STRAP: variants seen among roughly 807,000 people sequenced by gnomAD.
STRAP encodes the protein serine/threonine kinase receptor associated protein.
Under a neutral mutation model 47.0 loss-of-function variants are expected in STRAP, and 16 were observed. The ratio of observed to expected loss-of-function variants is 0.34; its 90% confidence interval spans 0.23 to 0.52. The LOEUF (loss-of-function observed/expected upper bound fraction) is 0.52. Ranked by LOEUF, STRAP falls within the 20% of genes least tolerant of loss-of-function variation. STRAP has a pLI of 0.96. For synonymous variants in STRAP, 130 were observed against 142.7 expected (o/e 0.91, Z 0.63); for missense variants, 293 against 420.0 (o/e 0.70, Z 2.64).
Position 15,882,412 on chromosome 12 carries a change from T to G in STRAP, c.-296T>G, listed in dbSNP as rs1947927859. ...CGTCGTCACTTCCTGCCGATGCCGG[T>G]GTGGACGCTGTGAATCGTGGCTGGC... is the stretch of plus-strand genomic sequence containing the variant. On this transcript the variant is annotated 5_prime_UTR_variant, in exon 1 of 10. Transcript: ENST00000419869. 6.3e-6 allele frequency: 3 copies of G among 475,374 alleles called. No homozygotes were observed. Among genetic ancestry groups the G allele is most frequent in the Non-Finnish European group, 1.1e-5 (3 of 261,852 alleles). The allele number at this position is 475,374 out of a possible 1,614,324, so 29.4% of individuals were successfully genotyped here.
rs1210579741 is a variant in STRAP at position 15,890,257 on chromosome 12, G to T, written c.330+248G>T. 6.6e-6 allele frequency among the ~76,000 whole-genome samples: 1 copy of T among 152,184 alleles called. No individual in the cohort carries two copies. Among genetic ancestry groups the T allele is most frequent in the Non-Finnish European group, 1.5e-5 (1 of 68,034 alleles). On this transcript the variant is annotated intron_variant, in intron 3 of 9. Coordinates refer to ENST00000419869, the MANE Select transcript of STRAP (RefSeq NM_007178.4). The surrounding 1 kb of genome is among the most constrained non-coding windows in gnomAD (Gnocchi z 4.5). Reference sequence around the variant, plus strand: ...TCAACATGTAAAAAACATCTGAAAAGCTCAAGTAGCCTTCCCCAACTACTA... The same window carrying T: ...TCAACATGTAAAAAACATCTGAAAATCTCAAGTAGCCTTCCCCAACTACTA...
At chr12:15,885,828 A>G (rs1414240021) in intron 2 of STRAP, among the ~76,000 whole-genome samples, 1 of 152,154 alleles carries the variant, frequency 6.6e-6, no homozygotes, top group Admixed American at 6.5e-5. Context: ...GGTTTTGAAT[A>G]TTAAATAAGT....
chr12:15,888,349 T>C (rs1947987977), intron 2 of STRAP, among the ~76,000 whole-genome samples: 1 of 151,958 alleles, frequency 6.6e-6, no homozygotes, highest in Non-Finnish European at 1.5e-5. Flanking sequence ...CAAAATGAGG[T>C]TGGGAAAGTA....
In STRAP at chr12:15,902,909, A is replaced by G. The variant is rs766945912; in HGVS notation, c.992-8A>G. The G allele has an allele frequency of 2.7e-6, 3 of 1,094,036 alleles. No individual in the cohort carries two copies. The highest frequency in any genetic ancestry group is 3.4e-4 in the Middle Eastern group (1 of 2,928). 67.8% of individuals were successfully genotyped at this position (1,094,036 alleles called of 1,614,324 possible). On this transcript the variant is annotated splice_polypyrimidine_tract_variant and splice_region_variant and intron_variant, in intron 9 of 9. Coordinates refer to ENST00000419869, the MANE Select transcript of STRAP (RefSeq NM_007178.4). ...ACTTTTTTTTTTTTTTTTTTTTTTT[A>G]CTTATAGAAGAAATTGCTTCAGAGA...
chr12:15,883,501 C>G (rs749999009), intron 1 of STRAP, 40 bp from the exon 2 acceptor site: 2 of 1,581,416 alleles, frequency 1.3e-6, no homozygotes, highest in South Asian at 2.3e-5. Context: ...TTTAAGTAAT[C>G]TGAACTTATA....
chr12:15,899,760 A>G, intron 7 of STRAP, 144 bp from the exon 8 acceptor site: 1 of 732,042 alleles, frequency 1.4e-6, no homozygotes, highest in Non-Finnish European at 2.2e-6. Context: ...CACTTTTGTG[A>G]TGAGAAATTA....
rs1321549317 is a variant in STRAP, at chr12:15,887,226, A to G, written c.249-2702A>G. On this transcript the variant is annotated intron_variant, in intron 2 of 9. Coordinates refer to ENST00000419869, the MANE Select transcript of STRAP (RefSeq NM_007178.4). This position sits in a 1 kb window ranked among gnomAD's most constrained non-coding sequence, Gnocchi z 5.5. ...GTTTTGTTGAAGGTTTAAATAAGTA[A>G]GTTAAGCAGCTCCTATTATGAGACT... 6.6e-6 allele frequency among the ~76,000 whole-genome samples: 1 copy of G among 152,212 alleles called. No homozygotes were observed. The highest frequency in any genetic ancestry group is 1.5e-5 in the Non-Finnish European group (1 of 68,040).
chr12:15,888,298 G>C (rs1947987632), intron 2 of STRAP, among the ~76,000 whole-genome samples: 1 of 152,146 alleles, frequency 6.6e-6, no homozygotes, highest in African/African-American at 2.4e-5. Flanking sequence ...TATTTGAGGA[G>C]TGGTTTATAA....
intron 7 of STRAP, among the ~76,000 whole-genome samples, chr12:15,898,921 T>C (rs932627976): frequency 1.3e-5 from 2 of 152,352 alleles, no homozygotes; most frequent in Non-Finnish European, 2.9e-5. Context: ...GTTGCACAAA[T>C]GGAACCTTGG....
In STRAP at chr12:15,882,409, C is replaced by A. The variant is rs894288868; in HGVS notation, c.-299C>A. 8.8e-5 allele frequency: 40 copies of A among 454,414 alleles called. No homozygotes were observed. The highest frequency in any genetic ancestry group is 1.4e-4 in the Non-Finnish European group (36 of 250,258). 28.1% of individuals were successfully genotyped at this position (454,414 alleles called of 1,614,324 possible). A position where few individuals can be genotyped will look rare whatever the true frequency, so the allele number is the denominator to read the frequency against. On this transcript the variant is annotated 5_prime_UTR_variant, in exon 1 of 10. Transcript: ENST00000419869. ...TTACGTCGTCACTTCCTGCCGATGC[C>A]GGTGTGGACGCTGTGAATCGTGGCT...
chr12:15,900,803 C>G, intron 8 of STRAP, 144 bp from the exon 9 acceptor site: 1 of 529,418 alleles, frequency 1.9e-6, no homozygotes, highest in South Asian at 6.1e-5. Context: ...TTTAGAATCA[C>G]AGTTATTTAA....
rs536599584 is a variant in STRAP at position 15,894,305 on chromosome 12, A to C, written c.500+162A>C. Reference sequence around the variant, plus strand: ...GAAATACTGTCTCTATGAAAATTACAAAACTTAGCCAAGCGCGGTGGCACA... The same window carrying C: ...GAAATACTGTCTCTATGAAAATTACCAAACTTAGCCAAGCGCGGTGGCACA... On this transcript the variant is annotated intron_variant, in intron 5 of 9. Coordinates refer to ENST00000419869, the MANE Select transcript of STRAP (RefSeq NM_007178.4). This position sits in a 1 kb window ranked among gnomAD's most constrained non-coding sequence, Gnocchi z 4.9. Among the ~76,000 whole-genome samples the C allele has an allele frequency of 9.8e-5, 15 of 152,340 alleles. No individual in the cohort carries two copies. The highest frequency in any genetic ancestry group is 3.4e-4 in the African/African-American group (14 of 41,574).
At chr12:15,885,939 C>G (rs1282917401) in intron 2 of STRAP, among the ~76,000 whole-genome samples, 1 of 152,180 alleles carries the variant, frequency 6.6e-6, no homozygotes, top group Non-Finnish European at 1.5e-5. Context: ...TAAACTATCA[C>G]CACCCGCACT....
chr12:15,883,391 T>G, intron 1 of STRAP, 150 bp from the exon 2 acceptor site: 1 of 878,408 alleles, frequency 1.1e-6, no homozygotes, highest in Non-Finnish European at 1.7e-6. Flanking sequence ...TTACTGCACA[T>G]TCCTTAGTGC....
Position 15,882,444 on chromosome 12 carries a change from C to G in STRAP, c.-264C>G, listed in dbSNP as rs1463915971. 1.9e-6 allele frequency: 1 copy of G among 513,900 alleles called. No homozygotes were observed. The highest frequency in any genetic ancestry group is 3.5e-6 in the Non-Finnish European group (1 of 286,446). The allele number at this position is 513,900 out of a possible 1,614,324, so 31.8% of individuals were successfully genotyped here. On this transcript the variant is annotated 5_prime_UTR_variant, in exon 1 of 10. Coordinates refer to ENST00000419869, the MANE Select transcript of STRAP (RefSeq NM_007178.4). ...GCTGTGAATCGTGGCTGGCCCGGTTCTCCGCTTCTCCCCATCCCCTACTTT... is the reference window on the plus strand; with the variant it reads ...GCTGTGAATCGTGGCTGGCCCGGTTGTCCGCTTCTCCCCATCCCCTACTTT...
Position 15,882,513 on chromosome 12 carries a change from G to T in STRAP, c.-195G>T. ...CCTCCCTCGTCGACTGTTGCTTGCT[G>T]GTCGCAGACTCCCTGACCCCTCCCT... On this transcript the variant is annotated 5_prime_UTR_variant, in exon 1 of 10. Coordinates refer to ENST00000419869, the MANE Select transcript of STRAP (RefSeq NM_007178.4). 1.9e-6 allele frequency: 1 copy of T among 533,516 alleles called. No homozygotes were observed. Among genetic ancestry groups the T allele is most frequent in the Non-Finnish European group, 3.4e-6 (1 of 295,580 alleles). 33.0% of individuals were successfully genotyped at this position (533,516 alleles called of 1,614,324 possible).
chr12:15,897,800 C>A, intron 6 of STRAP, 82 bp from the exon 7 acceptor site: 29 of 923,308 alleles, frequency 3.1e-5, no homozygotes, highest in Admixed American at 1.1e-4. Flanking sequence ...CCTTGGGTTT[C>A]AGAATTTAAG....
chr12:15,890,782 G>C lies in STRAP; in HGVS notation c.403+113G>C. ...TTGGAAAATAAAGATAGTCATGGCCGGGCACGGTGGCTCATACCTGTAATC... is the reference window on the plus strand; with the variant it reads ...TTGGAAAATAAAGATAGTCATGGCCCGGCACGGTGGCTCATACCTGTAATC... On this transcript the variant is annotated intron_variant, in intron 4 of 9. Coordinates refer to ENST00000419869, the MANE Select transcript of STRAP (RefSeq NM_007178.4). The surrounding 1 kb of genome is among the most constrained non-coding windows in gnomAD (Gnocchi z 4.5). The C allele has an allele frequency of 1.2e-6, 1 of 867,586 alleles. No individual in the cohort carries two copies. Among genetic ancestry groups the C allele is most frequent in the Non-Finnish European group, 1.8e-6 (1 of 566,540 alleles). 53.7% of individuals were successfully genotyped at this position (867,586 alleles called of 1,614,324 possible).
Position 15,903,311 on chromosome 12 carries a change from G to T in STRAP, c.*333G>T. On this transcript the variant is annotated 3_prime_UTR_variant, in exon 10 of 10. Coordinates refer to ENST00000419869, the MANE Select transcript of STRAP (RefSeq NM_007178.4). ...TAATATGGAGAAGAAAACTATATTG[G>T]CTGATTTTTTCTGATCTTAAAGCAG... The T allele has an allele frequency of 5.5e-6, 1 of 181,188 alleles. No homozygotes were observed. The highest frequency in any genetic ancestry group is 1.1e-5 in the Non-Finnish European group (1 of 90,758). The allele number at this position is 181,188 out of a possible 1,614,324, so 11.2% of individuals were successfully genotyped here. A position where few individuals can be genotyped will look rare whatever the true frequency, so the allele number is the denominator to read the frequency against.
Sources: allele counts gnomAD v4.1 joint callset (sites outside exome capture counted in the v4.1 genomes callset), GRCh38; gene constraint gnomAD v4.1.1; non-coding constraint Gnocchi (gnomAD v3.1); transcripts MANE v1.5; gene names NCBI Gene and HGNC (gene_info 2026-07-23, HGNC 2026-07-21).